Variants in FAF1 observed in about 807,000 individuals in gnomAD.
FAF1 encodes the protein Fas associated factor 1.
FAF1 carries 25 observed loss-of-function variants against 92.5 expected under a neutral mutation model. The observed-to-expected ratio is 0.27, with a 90% CI of 0.20 to 0.38. The LOEUF (loss-of-function observed/expected upper bound fraction) is 0.38, where lower values mean the gene tolerates loss of function less well. Ranked by LOEUF, FAF1 falls within the 10% of genes least tolerant of loss-of-function variation. The pLI is 1.00. For missense variants in FAF1, 636 were observed against 793.3 expected, an observed-to-expected ratio of 0.80 and a Z score of 2.38; for synonymous variants, 234 against 273.2, an observed-to-expected ratio of 0.86 and a Z score of 1.42.
At chr1:50,731,899 T>C (rs985507068) in intron 6 of FAF1, among the ~76,000 whole-genome samples, 3 of 152,138 alleles carry the variant, frequency 2.0e-5, no homozygotes, top group Non-Finnish European at 4.4e-5. Context: ...ACTTTACTTA[T>C]AATTTTATTG....
intron 8 of FAF1, among the ~76,000 whole-genome samples, chr1:50,627,155 A>C (rs1276658600): frequency 6.6e-6 from 1 of 152,158 alleles, no homozygotes; most frequent in Non-Finnish European, 1.5e-5. Flanking sequence ...AGAAATATAA[A>C]TTTGTTAACA....
chr1:50,775,075 G>C, intron 4 of FAF1, among the ~76,000 whole-genome samples: 1 of 151,906 alleles, frequency 6.6e-6, no homozygotes, highest in Non-Finnish European at 1.5e-5. Context: ...TCTTTGCATT[G>C]TATTATTTAT....
At chr1:50,615,133 C>G (rs1482960278) in intron 8 of FAF1, among the ~76,000 whole-genome samples, 1 of 152,116 alleles carries the variant, frequency 6.6e-6, no homozygotes, top group Admixed American at 6.6e-5. Context: ...TGAGAACACA[C>G]AGTGTTTGGT....
intron 8 of FAF1, among the ~76,000 whole-genome samples, chr1:50,638,646 A>G (rs974653373): frequency 6.6e-6 from 1 of 151,902 alleles, no homozygotes; most frequent in African/African-American, 2.4e-5. Flanking sequence ...GGGTTTCACC[A>G]TCTTGGCCAG....
chr1:50,908,175 A>G (rs889982054), intron 1 of FAF1, among the ~76,000 whole-genome samples: 1 of 152,118 alleles, frequency 6.6e-6, no homozygotes, highest in Non-Finnish European at 1.5e-5. Flanking sequence ...CATGTAGTTG[A>G]GTGGTTTCGA....
At chr1:50,846,640 CA>C in intron 2 of FAF1, 1 of 532,376 alleles carries the variant, frequency 1.9e-6, no homozygotes, top group Admixed American at 2.0e-5. Flanking sequence ...ATCAGTGGCA[CA>C]ACAGAGGCGG....
chr1:50,823,167 A>G (rs147741970), intron 2 of FAF1, among the ~76,000 whole-genome samples: 2 of 152,206 alleles, frequency 1.3e-5, no homozygotes, highest in Non-Finnish European at 2.9e-5. Context: ...CCATAAAGCT[A>G]TATCTGCTTT....
Position 50,805,826 on chromosome 1 carries a change from T to C in FAF1, c.115-4149A>G, listed in dbSNP as rs1331504347. Among the ~76,000 whole-genome samples the C allele has an allele frequency of 2.0e-5, 3 of 150,676 alleles. No individual in the cohort carries two copies. The East Asian group carries it at 5.8e-4, about 29-fold the overall frequency. ...CAAAAATAACTTATGAGTAAAGGAG[T>C]TGTGGTAACAATAATGGCAGCTAAC... is the stretch of plus-strand genomic sequence containing the variant. On this transcript the variant is annotated intron_variant, in intron 2 of 18. Transcript: ENST00000396153.
intron 15 of FAF1, among the ~76,000 whole-genome samples, chr1:50,511,755 T>C (rs1381137431): frequency 6.6e-6 from 1 of 152,224 alleles, no homozygotes. Context: ...TTTGGGTATA[T>C]ACCCAGTAAT....
chr1:50,776,822 C>T (rs1660980948), intron 4 of FAF1, among the ~76,000 whole-genome samples: 1 of 152,078 alleles, frequency 6.6e-6, no homozygotes, highest in African/African-American at 2.4e-5. Context: ...TGGTTCCCAA[C>T]TAATAAACCC....
At chr1:50,760,755 C>A (rs1180164549) in intron 4 of FAF1, among the ~76,000 whole-genome samples, 1 of 152,068 alleles carries the variant, frequency 6.6e-6, no homozygotes, top group Admixed American at 6.5e-5. Flanking sequence ...AAAATTGACA[C>A]CCTAACATCA....
intron 18 of FAF1, among the ~76,000 whole-genome samples, chr1:50,474,407 GT>G (rs1010046217): frequency 2.7e-5 from 4 of 148,804 alleles, no homozygotes; most frequent in South Asian, 4.3e-4. Flanking sequence ...GGGGTAGTTT[GT>G]TTTTTTTTTA....
intron 6 of FAF1, among the ~76,000 whole-genome samples, chr1:50,725,353 A>G (rs539317442): frequency 6.6e-6 from 1 of 152,186 alleles, no homozygotes; most frequent in Non-Finnish European, 1.5e-5. Flanking sequence ...TTTCTTCCAC[A>G]GCACCCACTG....
intron 15 of FAF1, among the ~76,000 whole-genome samples, chr1:50,506,585 A>G (rs983604123): frequency 6.6e-6 from 1 of 152,182 alleles, no homozygotes; most frequent in Non-Finnish European, 1.5e-5. Flanking sequence ...TATTATTATA[A>G]TTATATATTT....
chr1:50,682,501 T>C (rs1309056255), intron 7 of FAF1, among the ~76,000 whole-genome samples: 2 of 152,150 alleles, frequency 1.3e-5, no homozygotes, highest in African/African-American at 4.8e-5. Flanking sequence ...CCAACAAATA[T>C]GCATGTCGTC....
chr1:50,461,954 C>T (rs964617838), intron 18 of FAF1, among the ~76,000 whole-genome samples: 2 of 147,706 alleles, frequency 1.4e-5, no homozygotes, highest in Admixed American at 6.8e-5. Context: ...ATTACCATCA[C>T]ACCAGCTATA....
rs1308030190 is a variant in FAF1, at chr1:50,865,237, G to A, written c.46-7240C>T. Among the ~76,000 whole-genome samples the A allele has an allele frequency of 3.9e-5, 6 of 152,142 alleles. No homozygotes were observed. The East Asian group carries it at 1.2e-3, about 29-fold the overall frequency. ...AAATAGGAACACTTTTACACTGTTG[G>A]TGGGACTGTAAACTAGTTCAACCAC... On this transcript the variant is annotated intron_variant, in intron 1 of 18. Coordinates refer to ENST00000396153, the MANE Select transcript of FAF1 (RefSeq NM_007051.3).
chr1:50,925,797 G>A (rs934474904), intron 1 of FAF1, among the ~76,000 whole-genome samples: 10 of 152,196 alleles, frequency 6.6e-5, no homozygotes, highest in African/African-American at 1.9e-4. Flanking sequence ...ATACATCCAT[G>A]TTTATTGCAG....
At chr1:50,884,861 T>A (rs916054627) in intron 1 of FAF1, among the ~76,000 whole-genome samples, 1 of 152,194 alleles carries the variant, frequency 6.6e-6, no homozygotes, top group Non-Finnish European at 1.5e-5. Context: ...TTCTTCTTTA[T>A]GTATATAGTA....
Sources: allele counts gnomAD v4.1 joint callset (sites outside exome capture counted in the v4.1 genomes callset), GRCh38; gene constraint gnomAD v4.1.1; transcripts MANE v1.5; gene names NCBI Gene and HGNC (gene_info 2026-07-23, HGNC 2026-07-21).